Variants in SLC4A7 observed in about 807,000 individuals in gnomAD.
The protein encoded by SLC4A7 is sodium bicarbonate cotransporter 3.
In SLC4A7, 51 loss-of-function variants were observed where a neutral mutation model predicts 137.6. That is an observed-to-expected ratio of 0.37 (90% CI 0.30 to 0.47). SLC4A7 has a LOEUF of 0.47. SLC4A7 is among the 20% of genes least tolerant of loss of function. The pLI is 1.00. For synonymous variants in SLC4A7, 542 were observed against 518.6 expected (o/e 1.05, Z -0.61); for missense variants, 1,247 against 1,525.4 (o/e 0.82, Z 3.04).
intron 20 of SLC4A7, among the ~76,000 whole-genome samples, chr3:27,392,757 C>G (rs778207895): frequency 1.3e-4 from 20 of 151,636 alleles, no homozygotes; most frequent in Non-Finnish European, 2.1e-4. Flanking sequence ...ACCCAGGAGG[C>G]AGAGGTTGCA....
At chr3:27,383,866 T>A (rs759929543) in intron 23 of SLC4A7, among the ~76,000 whole-genome samples, 2 of 152,174 alleles carry the variant, frequency 1.3e-5, no homozygotes, top group Non-Finnish European at 2.9e-5. Context: ...CAGTGATAAT[T>A]ACTAATAACC....
In SLC4A7 at chr3:27,435,959, C is replaced by T. The variant is rs1450377155; in HGVS notation, c.589+429G>A. ...AAGAAATCTGTATATTCACACAGAA[C>T]TGACTTTCCTGAGATTCCTGTCTAT... On this transcript the variant is annotated intron_variant, in intron 5 of 25. Transcript: ENST00000454389. Among the ~76,000 whole-genome samples the T allele has an allele frequency of 3.3e-5, 5 of 152,324 alleles. No individual in the cohort carries two copies. In the East Asian group the frequency reaches 9.6e-4, roughly 29 times the overall value.
chr3:27,454,687 G>T (rs2058297557), intron 1 of SLC4A7, among the ~76,000 whole-genome samples: 1 of 152,140 alleles, frequency 6.6e-6, no homozygotes, highest in African/African-American at 2.4e-5. Flanking sequence ...CTCTGAACAT[G>T]CACAGGTACA....
chr3:27,421,201 T>G (rs992002284), intron 9 of SLC4A7, among the ~76,000 whole-genome samples: 2 of 152,012 alleles, frequency 1.3e-5, no homozygotes, highest in Non-Finnish European at 2.9e-5. Context: ...GAATATTAAC[T>G]ATTAAAATGA....
rs529814724 is a variant in SLC4A7 at position 27,441,477 on chromosome 3, T to C, written c.290-3951A>G. Among the ~76,000 whole-genome samples, 7 of 152,312 alleles carry C rather than the reference T, an allele frequency of 4.6e-5. No individual in the cohort carries two copies. In the South Asian group the frequency reaches 1.0e-3, roughly 23 times the overall value. On this transcript the variant is annotated intron_variant, in intron 3 of 25. Transcript: ENST00000454389. ...GTTTTAGACTACACATTTAATGTCT[T>C]TAATCCATTTCTTCCTTTTTCATTT...
chr3:27,468,749 TAAAC>T (rs1325866894), intron 1 of SLC4A7, among the ~76,000 whole-genome samples: 6 of 152,092 alleles, frequency 3.9e-5, no homozygotes, highest in African/African-American at 9.7e-5. Context: ...TAAAAAAAAT[TAAAC>T]AAGATGTTGC....
At chr3:27,440,615 C>G (rs889453402) in intron 3 of SLC4A7, among the ~76,000 whole-genome samples, 2 of 152,036 alleles carry the variant, frequency 1.3e-5, no homozygotes, top group African/African-American at 4.8e-5. Context: ...GTAATCCCAG[C>G]TACTCAGGAG....
chr3:27,375,097 T>C lies in SLC4A7; in HGVS notation c.*1667A>G, dbSNP rs1235139507. ...CATCATTTTAACAAGACTCTTACAA[T>C]ATGGTCTTAGAGGAGGACATTACAT... On this transcript the variant is annotated 3_prime_UTR_variant, in exon 26 of 26. Coordinates refer to ENST00000454389, the MANE Select transcript of SLC4A7 (RefSeq NM_001321103.2). 1 of 152,074 alleles carries C rather than the reference T, an allele frequency of 6.6e-6. No individual in the cohort carries two copies. The highest frequency in any genetic ancestry group is 1.5e-5 in the Non-Finnish European group (1 of 67,894). 9.4% of individuals were successfully genotyped at this position (152,074 alleles called of 1,614,324 possible). A position where few individuals can be genotyped will look rare whatever the true frequency, so the allele number is the denominator to read the frequency against.
Position 27,376,540 on chromosome 3 carries a change from G to T in SLC4A7, c.*224C>A. The T allele has an allele frequency of 3.2e-6, 1 of 310,532 alleles. No homozygotes were observed. Among genetic ancestry groups the T allele is most frequent in the Non-Finnish European group, 5.9e-6 (1 of 170,914 alleles). 19.2% of individuals were successfully genotyped at this position (310,532 alleles called of 1,614,324 possible). A position where few individuals can be genotyped will look rare whatever the true frequency, so the allele number is the denominator to read the frequency against. ...AAACAGAAAATTTTTTTTTCTAACA[G>T]AATAAATATTTGAATAGTTAAGAAC... On this transcript the variant is annotated 3_prime_UTR_variant, in exon 26 of 26. Coordinates refer to ENST00000454389, the MANE Select transcript of SLC4A7 (RefSeq NM_001321103.2).
At chr3:27,381,530 ACAT>A (rs199550449) in intron 24 of SLC4A7, among the ~76,000 whole-genome samples, 4,831 of 152,222 alleles carry the variant, frequency 0.032, 263 homozygotes, top group African/African-American at 0.11. Flanking sequence ...TTTGAGGGAA[ACAT>A]TAATACAGAA....
At chr3:27,391,599 T>A in intron 21 of SLC4A7, 141 bp downstream of exon 21, 1 of 612,138 alleles carries the variant, frequency 1.6e-6, no homozygotes, top group South Asian at 2.1e-5. Context: ...ACTTGGCAAA[T>A]GTCTGAAGTC....
intron 1 of SLC4A7, chr3:27,462,367 G>T (rs577490880): frequency 6.6e-6 from 1 of 152,144 alleles, no homozygotes; most frequent in Non-Finnish European, 1.5e-5. Flanking sequence ...AGACACGTTC[G>T]CAGGTACTGG....
intron 3 of SLC4A7, among the ~76,000 whole-genome samples, chr3:27,442,973 G>A (rs2057316693): frequency 1.3e-5 from 2 of 148,972 alleles, no homozygotes; most frequent in Non-Finnish European, 3.0e-5. Flanking sequence ...TTACTTGGCT[G>A]TCTCACTAGG....
Position 27,431,409 on chromosome 3 carries a change from G to A in SLC4A7, c.1039C>T (p.Pro347Ser). The A allele has an allele frequency of 1.2e-6, 2 of 1,614,070 alleles. No individual in the cohort carries two copies. ...QRQAPELLVS[P>S]ASDDIPTVVI... is the part of the protein sequence containing the mutation. ...ACTGTGGGAATATCATCACTGGCAG[G>A]TGAAACCAGTAGTTCTGGGGCCTGA... Residue 347 changes from proline (P) to serine (S), a missense_variant, in exon 7 of 26, where the codon CCT becomes TCT. By Grantham distance (74) the Pro-to-Ser change is moderately conservative. Around this residue, in one of 6 missense-constraint regions of SLC4A7, gnomAD observed 223 missense variants for 203.6 expected, o/e 1.10. Coordinates refer to ENST00000454389, the MANE Select transcript of SLC4A7 (RefSeq NM_001321103.2).
chr3:27,418,153 A>C (rs2054576142), intron 11 of SLC4A7, among the ~76,000 whole-genome samples: 1 of 152,190 alleles, frequency 6.6e-6, no homozygotes, highest in African/African-American at 2.4e-5. Context: ...AAAGAGAATA[A>C]GGAATATTTT....
intron 3 of SLC4A7, among the ~76,000 whole-genome samples, chr3:27,441,951 A>C (rs1225568874): frequency 6.6e-6 from 1 of 151,148 alleles, no homozygotes; most frequent in Non-Finnish European, 1.5e-5. Context: ...GCTGGAGTGC[A>C]GTGACACGAT....
At chr3:27,452,984 T>C (rs2887926) in intron 1 of SLC4A7, among the ~76,000 whole-genome samples, 32,534 of 152,134 alleles carry the variant, frequency 0.21, 3,563 homozygotes, top group Non-Finnish European at 0.25. Flanking sequence ...TTTAACTGAT[T>C]AATCAAGAGC....
intron 12 of SLC4A7, among the ~76,000 whole-genome samples, chr3:27,410,062 G>A (rs1165175512): frequency 1.3e-5 from 2 of 152,134 alleles, no homozygotes; most frequent in African/African-American, 4.8e-5. Flanking sequence ...ATAAAAGGGG[G>A]AAAGAAATCC....
chr3:27,383,300 G>A, intron 23 of SLC4A7, 50 bp from the exon 24 acceptor site: 1 of 1,285,154 alleles, frequency 7.8e-7, no homozygotes. Context: ...TATTTTCCAA[G>A]AGAATTGACT....
Sources: allele counts gnomAD v4.1 joint callset (sites outside exome capture counted in the v4.1 genomes callset), GRCh38; gene constraint gnomAD v4.1.1; regional missense constraint gnomAD v4.1.1; transcripts MANE v1.5; gene names NCBI Gene and HGNC (gene_info 2026-07-23, HGNC 2026-07-21).